The following PLEKHG1 variants were observed in gnomAD, a reference collection of about 807,000 sequenced individuals.
PLEKHG1 encodes pleckstrin homology domain-containing family G member 1.
A neutral mutation model predicts 100.8 loss-of-function variants in PLEKHG1; 44 were observed. That is an observed-to-expected ratio of 0.44 (90% CI 0.34 to 0.56). PLEKHG1 has a LOEUF of 0.56. PLEKHG1 is among the 20% of genes least tolerant of loss of function. The pLI is 0.01. For synonymous variants in PLEKHG1, 640 were observed against 662.5 expected (o/e 0.97, Z 0.52); for missense variants, 1,545 against 1,720.9 (o/e 0.90, Z 1.81).
At chr6:150,752,613 A>G (rs982066963) in intron 2 of PLEKHG1, among the ~76,000 whole-genome samples, 3 of 152,218 alleles carry the variant, frequency 2.0e-5, no homozygotes, top group Non-Finnish European at 4.4e-5. Flanking sequence ...AACCTGCATC[A>G]GGATTTAACT....
In PLEKHG1 at chr6:150,809,092, T is replaced by C. The variant is rs766336917; in HGVS notation, c.913-13T>C. On this transcript the variant is annotated splice_polypyrimidine_tract_variant and intron_variant, in intron 7 of 15. Coordinates refer to ENST00000358517, the Ensembl canonical transcript of PLEKHG1. ...TGCCTCCTGTAAATGCCATGGCCCA[T>C]TCCCTTTCTCAGGAGATACAGAGTT... is the stretch of plus-strand genomic sequence containing the variant. The C allele has an allele frequency of 2.5e-6, 4 of 1,608,498 alleles. No homozygotes were observed. Among genetic ancestry groups the C allele is most frequent in the Non-Finnish European group, 3.4e-6 (4 of 1,175,620 alleles).
chr6:150,821,115 C>T (rs2128678812), intron 12 of PLEKHG1, 80 bp from the exon 14 acceptor site: 2 of 1,077,120 alleles, frequency 1.9e-6, no homozygotes, highest in Non-Finnish European at 2.9e-6. Context: ...TGTCAATAGG[C>T]TCATAATCCT....
chr6:150,671,964 A>C (rs1003324364), intron 3 of PLEKHG1, among the ~76,000 whole-genome samples: 6 of 152,176 alleles, frequency 3.9e-5, no homozygotes, highest in African/African-American at 1.4e-4. Context: ...GATGGAATCC[A>C]GTTCAGCTTT....
chr6:150,647,821 T>G (rs1778565855), intron 2 of PLEKHG1, among the ~76,000 whole-genome samples: 1 of 152,278 alleles, frequency 6.6e-6, no homozygotes, highest in East Asian at 1.9e-4. Flanking sequence ...TATTTTGAAT[T>G]TATAGAACAG....
At chr6:150,622,612 C>T (rs1349793140) in intron 1 of PLEKHG1, among the ~76,000 whole-genome samples, 2 of 152,172 alleles carry the variant, frequency 1.3e-5, no homozygotes, top group East Asian at 1.9e-4. Flanking sequence ...CAGCCTCCCC[C>T]TCCCAGTGTA....
At chr6:150,761,539 C>T (rs1302808867) in intron 2 of PLEKHG1, among the ~76,000 whole-genome samples, 1 of 152,120 alleles carries the variant, frequency 6.6e-6, no homozygotes, top group African/African-American at 2.4e-5. Flanking sequence ...AGGTGATCCA[C>T]CTGTCTCGGC....
At chr6:150,791,158 G>A (rs905678954) in intron 4 of PLEKHG1, among the ~76,000 whole-genome samples, 1 of 152,224 alleles carries the variant, frequency 6.6e-6, no homozygotes, top group Non-Finnish European at 1.5e-5. Context: ...TAGAAATGCA[G>A]ATTCCTAGGC....
rs57482989 is a variant in PLEKHG1, at chr6:150,802,664, A to ATTTCTT, written c.780+1798_780+1799insCTTTTT. ...GGGCTCCCTCTATGTCATTCACATC[A>ATTTCTT]TTTTTTTTTTTTTTTGAGATGGAGT... On this transcript the variant is annotated intron_variant, in intron 6 of 15. Coordinates refer to ENST00000358517, the Ensembl canonical transcript of PLEKHG1. Among the ~76,000 whole-genome samples the ATTTCTT allele has an allele frequency of 1.7e-3, 240 of 143,434 alleles. 1 individual carries two copies. The highest frequency in any genetic ancestry group is 3.4e-3 in the African/African-American group (132 of 39,094). 94.1% of individuals were successfully genotyped at this position (143,434 alleles called of 152,430 possible).
intron 3 of PLEKHG1, among the ~76,000 whole-genome samples, chr6:150,713,658 CA>C (rs749099764): frequency 2.0e-5 from 3 of 152,112 alleles, no homozygotes; most frequent in Admixed American, 6.5e-5. Context: ...TGTTTGCTCC[CA>C]GAAGCTTCTC....
chr6:150,656,511 CTT>C (rs1385914380), intron 3 of PLEKHG1, among the ~76,000 whole-genome samples: 3 of 152,148 alleles, frequency 2.0e-5, no homozygotes, highest in Admixed American at 6.5e-5. Flanking sequence ...GCTGTAGACT[CTT>C]TACATGCTGC....
At chr6:150,828,026 A>G in intron 14 of PLEKHG1, 1 of 1,613,098 alleles carries the variant, frequency 6.2e-7, no homozygotes, top group Non-Finnish European at 8.5e-7. Context: ...ACCTTTACAA[A>G]CAAGGAATTC....
chr6:150,645,930 A>G (rs1187159673), intron 2 of PLEKHG1, among the ~76,000 whole-genome samples: 1 of 152,264 alleles, frequency 6.6e-6, no homozygotes, highest in Non-Finnish European at 1.5e-5. Context: ...GAAGAAATGT[A>G]CAACATTGCT....
chr6:150,689,855 CA>C (rs58356927), intron 3 of PLEKHG1, among the ~76,000 whole-genome samples: 25,735 of 84,516 alleles, frequency 0.3, 1,992 homozygotes, highest in South Asian at 0.42. Context: ...AACTCTGTCT[CA>C]AAAAAAAAAA....
chr6:150,780,562 A>G (rs1785253431), intron 3 of PLEKHG1, among the ~76,000 whole-genome samples: 1 of 152,174 alleles, frequency 6.6e-6, no homozygotes, highest in African/African-American at 2.4e-5. Context: ...ACCCCGAGAT[A>G]ACTTTACCAT....
At chr6:150,718,915 G>T (rs1340776959), upstream of PLEKHG1, among the ~76,000 whole-genome samples, 1 of 151,810 alleles carries the variant, frequency 6.6e-6, no homozygotes, top group African/African-American at 2.4e-5. Flanking sequence ...GTGTTTGTGT[G>T]TGTGTGTATT....
rs563722638 is a variant in PLEKHG1 at position 150,827,729 on chromosome 6, A to C, written c.1471-2853A>C. Reference sequence around the variant, plus strand: ...ACGCAAAAAGGGTTTCTTACCCGCCAAGGAAAGAATTGGAAGAATTGGAAG... The same window carrying C: ...ACGCAAAAAGGGTTTCTTACCCGCCCAGGAAAGAATTGGAAGAATTGGAAG... On this transcript the variant is annotated intron_variant, in intron 14 of 15. Coordinates refer to ENST00000358517, the Ensembl canonical transcript of PLEKHG1. 8.3e-4 allele frequency: 1,102 copies of C among 1,329,420 alleles called. 25 individuals carry two copies. In the South Asian group the frequency reaches 0.012, roughly 14 times the overall value. The allele number at this position is 1,329,420 out of a possible 1,614,324, so 82.4% of individuals were successfully genotyped here. A position where few individuals can be genotyped will look rare whatever the true frequency, so the allele number is the denominator to read the frequency against.
chr6:150,784,225 C>T (rs1785480456), intron 3 of PLEKHG1, among the ~76,000 whole-genome samples: 1 of 152,148 alleles, frequency 6.6e-6, no homozygotes, highest in Admixed American at 6.6e-5. Context: ...AAGACCCACC[C>T]AAAGCCTACT....
chr6:150,834,380 T>C (rs535712103), intron 15 of PLEKHG1, among the ~76,000 whole-genome samples: 202 of 152,208 alleles, frequency 1.3e-3, no homozygotes, highest in African/African-American at 4.4e-3. Flanking sequence ...ACTGACTAAG[T>C]CTGGGTTGGG....
At chr6:150,647,936 G>A (rs2128572076) in intron 2 of PLEKHG1, among the ~76,000 whole-genome samples, 1 of 151,988 alleles carries the variant, frequency 6.6e-6, no homozygotes, top group South Asian at 2.1e-4. Flanking sequence ...AAACTCATTG[G>A]TTTACCTCAT....
Sources: gnomAD v4.1 joint callset for allele counts (sites outside exome capture counted in the v4.1 genomes callset) on GRCh38, gnomAD v4.1.1 for gene constraint, MANE v1.5 for transcripts, NCBI Gene and HGNC (gene_info 2026-07-23, HGNC 2026-07-21) for gene names.